KCNJ3: variants seen among roughly 807,000 people sequenced by gnomAD.
KCNJ3 encodes the protein G protein-activated inward rectifier potassium channel 1.
KCNJ3 carries 4 observed loss-of-function variants against 39.2 expected under a neutral mutation model. The ratio of observed to expected loss-of-function variants is 0.10; its 90% CI spans 0.05 to 0.23. KCNJ3 has a LOEUF of 0.23. Ranked by LOEUF, KCNJ3 falls within the 10% of genes least tolerant of loss-of-function variation. The probability of loss-of-function intolerance (pLI) is 1.00; values close to 1 mark genes in which losing one functional copy is unlikely to be tolerated. For synonymous variants in KCNJ3, 230 were observed against 237.4 expected, an observed-to-expected ratio of 0.97 and a Z score of 0.29; for missense variants, 276 against 634.9, an observed-to-expected ratio of 0.43 and a Z score of 6.08.
intron 2 of KCNJ3, among the ~76,000 whole-genome samples, chr2:154,844,364 C>T (rs1476486185): frequency 6.6e-6 from 1 of 152,304 alleles, no homozygotes; most frequent in Admixed American, 6.5e-5. Context: ...TCTGTTGGCA[C>T]CTATTGGGAG....
chr2:154,724,956 G>C (rs1685328484), intron 2 of KCNJ3, among the ~76,000 whole-genome samples: 2 of 98,262 alleles, frequency 2.0e-5, no homozygotes, highest in East Asian at 5.8e-4. Context: ...GCAGACCTGA[G>C]ACATGAAGAA....
intron 2 of KCNJ3, among the ~76,000 whole-genome samples, chr2:154,732,371 T>C (rs1685461366): frequency 6.6e-6 from 1 of 152,124 alleles, no homozygotes; most frequent in South Asian, 2.1e-4. Context: ...TTCATGACAG[T>C]CAATATTTTT....
At chr2:154,816,054 C>A (rs1687078401) in intron 2 of KCNJ3, among the ~76,000 whole-genome samples, 1 of 152,176 alleles carries the variant, frequency 6.6e-6, no homozygotes, top group African/African-American at 2.4e-5. Flanking sequence ...CATTAGAATG[C>A]AAACTTCATG....
At chr2:154,726,939 G>A (rs1558857588) in intron 2 of KCNJ3, among the ~76,000 whole-genome samples, 1 of 151,734 alleles carries the variant, frequency 6.6e-6, no homozygotes, top group Non-Finnish European at 1.5e-5. Flanking sequence ...AATATCATAT[G>A]TTTTTACTTA....
chr2:154,710,514 C>T (rs1685085593), intron 2 of KCNJ3, among the ~76,000 whole-genome samples: 1 of 152,006 alleles, frequency 6.6e-6, no homozygotes, highest in African/African-American at 2.4e-5. Context: ...AGGAAATAAA[C>T]AATAGTTATG....
chr2:154,718,639 C>T (rs1418986583), intron 2 of KCNJ3, among the ~76,000 whole-genome samples: 1 of 152,104 alleles, frequency 6.6e-6, no homozygotes, highest in Non-Finnish European at 1.5e-5. Context: ...TGGTGTATTC[C>T]ACCATTTCCT....
chr2:154,722,066 G>C (rs989743841), intron 2 of KCNJ3, among the ~76,000 whole-genome samples: 10 of 152,124 alleles, frequency 6.6e-5, no homozygotes, highest in African/African-American at 2.2e-4. Flanking sequence ...GCTAACTAGA[G>C]AGGGAGGCAA....
At chr2:154,794,227 T>A (rs1686683972) in intron 2 of KCNJ3, among the ~76,000 whole-genome samples, 1 of 152,006 alleles carries the variant, frequency 6.6e-6, no homozygotes, top group African/African-American at 2.4e-5. Flanking sequence ...TGACATGTAT[T>A]TTCTTGTCAT....
chr2:154,823,874 T>A (rs1011262705), intron 2 of KCNJ3, among the ~76,000 whole-genome samples: 3 of 152,166 alleles, frequency 2.0e-5, no homozygotes, highest in Non-Finnish European at 2.9e-5. Context: ...ATCTTATGAC[T>A]TTTTAGTGTT....
intron 2 of KCNJ3, among the ~76,000 whole-genome samples, chr2:154,743,250 C>G (rs1441762347): frequency 6.6e-6 from 1 of 151,788 alleles, no homozygotes; most frequent in African/African-American, 2.4e-5. Flanking sequence ...CAGTACCACA[C>G]TGTTTTTATT....
At chr2:154,803,635 T>C (rs1438186136) in intron 2 of KCNJ3, among the ~76,000 whole-genome samples, 1 of 152,030 alleles carries the variant, frequency 6.6e-6, no homozygotes, top group Non-Finnish European at 1.5e-5. Flanking sequence ...ACCTAAGTTT[T>C]AAATTCTGAG....
intron 2 of KCNJ3, among the ~76,000 whole-genome samples, chr2:154,772,980 A>G (rs1466554699): frequency 6.6e-6 from 1 of 152,122 alleles, no homozygotes; most frequent in East Asian, 1.9e-4. Context: ...GAAAAAAATC[A>G]TTGGAATATT....
intron 2 of KCNJ3, among the ~76,000 whole-genome samples, chr2:154,768,742 A>G (rs1264460740): frequency 6.6e-6 from 1 of 152,164 alleles, no homozygotes; most frequent in African/African-American, 2.4e-5. Context: ...TGGTAGCTTG[A>G]TGGGGATGGC....
chr2:154,828,153 C>T (rs1233351577), intron 2 of KCNJ3, among the ~76,000 whole-genome samples: 1 of 152,158 alleles, frequency 6.6e-6, no homozygotes, highest in Non-Finnish European at 1.5e-5. Context: ...TGAAGAATTA[C>T]TACTACTTAC....
rs190977588 is a variant in KCNJ3 at position 154,774,559 on chromosome 2, T to C, written c.919+64740T>C. On this transcript the variant is annotated intron_variant, in intron 2 of 2. Transcript: ENST00000295101. ...TAATATTTATGAAAAAAACTATTTA[T>C]AGCCTTTAGAGGGGTAATCATTTTC... is the stretch of plus-strand genomic sequence containing the variant. 3.5e-4 allele frequency among the ~76,000 whole-genome samples: 54 copies of C among 152,234 alleles called. 1 individual carries two copies. The East Asian group carries it at 0.01, about 29-fold the overall frequency.
At chr2:154,853,539 A>G (rs1687790787) in intron 2 of KCNJ3, among the ~76,000 whole-genome samples, 1 of 152,100 alleles carries the variant, frequency 6.6e-6, no homozygotes, top group Non-Finnish European at 1.5e-5. Context: ...TTAATTATTG[A>G]GGGGATGGTT....
intron 2 of KCNJ3, among the ~76,000 whole-genome samples, chr2:154,770,457 C>A (rs1686219370): frequency 6.6e-6 from 1 of 151,084 alleles, no homozygotes; most frequent in African/African-American, 2.4e-5. Context: ...GCCGCAATTT[C>A]TTCTTTTTCT....
At chr2:154,746,003 G>A (rs1685735169) in intron 2 of KCNJ3, among the ~76,000 whole-genome samples, 1 of 151,318 alleles carries the variant, frequency 6.6e-6, no homozygotes, top group South Asian at 2.1e-4. Flanking sequence ...CTGTTCCCCA[G>A]GTAGCGACCC....
chr2:154,718,801 T>A (rs1685220793), intron 2 of KCNJ3, among the ~76,000 whole-genome samples: 1 of 152,140 alleles, frequency 6.6e-6, no homozygotes, highest in Admixed American at 6.5e-5. Context: ...TTTCATTAAT[T>A]GTGTGGGAGG....
Sources: allele counts gnomAD v4.1 joint callset (sites outside exome capture counted in the v4.1 genomes callset), GRCh38; gene constraint gnomAD v4.1.1; transcripts MANE v1.5; gene names NCBI Gene and HGNC (gene_info 2026-07-23, HGNC 2026-07-21).